The following ADAM23 variants were observed in gnomAD, a reference collection of about 807,000 sequenced individuals.
ADAM23 encodes the protein ADAM metallopeptidase domain 23.
Under a neutral mutation model 120.1 loss-of-function variants are expected in ADAM23, and 33 were observed. The ratio of observed to expected loss-of-function variants is 0.27; its 90% CI spans 0.21 to 0.37. The LOEUF is 0.37. ADAM23 is among the 10% of genes least tolerant of loss of function. The pLI, the probability that ADAM23 is intolerant of heterozygous loss-of-function variation, is 1.00. For missense variants in ADAM23, 862 were observed against 1,058.2 expected (o/e 0.81, Z 2.57); for synonymous variants, 367 against 375.2 (o/e 0.98, Z 0.25).
chr2:206,459,149 A>T (rs1003183102), intron 2 of ADAM23, among the ~76,000 whole-genome samples: 5 of 152,314 alleles, frequency 3.3e-5, no homozygotes, highest in African/African-American at 1.2e-4. Flanking sequence ...ATGGAGTTTC[A>T]TCTCTGCAGA....
chr2:206,567,363 C>G (rs376453291), intron 15 of ADAM23, 41 bp downstream of exon 15: 85 of 1,546,664 alleles, frequency 5.5e-5, no homozygotes, highest in Non-Finnish European at 7.4e-5. Context: ...TATATTATTT[C>G]TCCAGTGTTT....
chr2:206,610,110 C>A, intron 25 of ADAM23, 110 bp downstream of exon 25: 1 of 944,422 alleles, frequency 1.1e-6, no homozygotes, highest in East Asian at 3.2e-5. Context: ...GTCAGTCAAA[C>A]TGCAAAAAAT....
Position 206,560,040 on chromosome 2 carries a change from A to G in ADAM23, c.1091A>G (p.Asn364Ser). 2.5e-6 allele frequency: 4 copies of G among 1,613,936 alleles called. No homozygotes were observed. Among genetic ancestry groups the G allele is most frequent in the Non-Finnish European group, 2.5e-6 (3 of 1,179,974 alleles). Residue 364 changes from asparagine to serine, a missense_variant, in exon 11 of 26, where the codon AAC (asparagine) becomes AGC (serine). Physicochemically the swap from Asn to Ser is conservative, Grantham distance 46. This residue lies in a region of ADAM23 where 617 missense variants were observed against 813.5 expected (regional missense o/e 0.76). Transcript: ENST00000264377. ...AAGGATCAGATTGACATCACCACCA[A>G]CCCTGTGCAGATGCTCCATGAGTTC... ...TEKDQIDITT[N>S]PVQMLHEFSK...
At chr2:206,485,920 T>A (rs1312537140) in intron 3 of ADAM23, among the ~76,000 whole-genome samples, 1 of 152,180 alleles carries the variant, frequency 6.6e-6, no homozygotes, top group East Asian at 1.9e-4. Context: ...CACAACACGT[T>A]GCTGGAAGGC....
At chr2:206,578,597 C>T (rs559882219) in intron 18 of ADAM23, among the ~76,000 whole-genome samples, 92 of 152,126 alleles carry the variant, frequency 6.0e-4, no homozygotes, top group Non-Finnish European at 9.6e-4. Flanking sequence ...TACACACACA[C>T]TACAGTTTCT....
At chr2:206,528,082 G>A (rs377241810) in intron 3 of ADAM23, among the ~76,000 whole-genome samples, 10 of 152,144 alleles carry the variant, frequency 6.6e-5, no homozygotes, top group East Asian at 3.8e-4. Context: ...TTAAGATAAC[G>A]TTGTTTCCAA....
At chr2:206,527,036 C>T (rs1696960525) in intron 3 of ADAM23, among the ~76,000 whole-genome samples, 1 of 152,162 alleles carries the variant, frequency 6.6e-6, no homozygotes, top group Non-Finnish European at 1.5e-5. Flanking sequence ...AAGGTCACTC[C>T]TCTTTCAACA....
chr2:206,514,574 G>A (rs150155695), intron 3 of ADAM23, among the ~76,000 whole-genome samples: 2 of 152,192 alleles, frequency 1.3e-5, no homozygotes, highest in South Asian at 2.1e-4. Context: ...TGAAATGACA[G>A]CAAAGGATTT....
At chr2:206,562,332 T>C in intron 13 of ADAM23, 39 bp downstream of exon 13, 1 of 1,505,034 alleles carries the variant, frequency 6.6e-7, no homozygotes, top group Non-Finnish European at 9.2e-7. Context: ...TCATGTGCCA[T>C]TCTGTCTGTA....
intron 2 of ADAM23, among the ~76,000 whole-genome samples, chr2:206,470,595 G>A (rs1695636893): frequency 6.6e-6 from 1 of 152,218 alleles, no homozygotes. Flanking sequence ...AAACAGGACA[G>A]TTGTGGGCCT....
chr2:206,530,624 A>G (rs1697035813), intron 3 of ADAM23, among the ~76,000 whole-genome samples: 1 of 148,092 alleles, frequency 6.8e-6, no homozygotes, highest in African/African-American at 2.5e-5. Flanking sequence ...TCAAAAAGAA[A>G]AAAAAAAAAA....
chr2:206,543,020 G>T (rs1697323891), intron 5 of ADAM23, among the ~76,000 whole-genome samples: 1 of 152,156 alleles, frequency 6.6e-6, no homozygotes, highest in African/African-American at 2.4e-5. Context: ...GGTATAATTT[G>T]CATGCATTTG....
At chr2:206,535,566 A>G (rs577824187) in intron 4 of ADAM23, among the ~76,000 whole-genome samples, 50 of 152,362 alleles carry the variant, frequency 3.3e-4, no homozygotes, top group African/African-American at 8.4e-4. Flanking sequence ...ATGTCCTTCA[A>G]TTGTTGAAGG....
chr2:206,467,431 A>C (rs1187253759), intron 2 of ADAM23, among the ~76,000 whole-genome samples: 3 of 152,264 alleles, frequency 2.0e-5, no homozygotes, highest in Non-Finnish European at 4.4e-5. Context: ...GCAAGTCTGA[A>C]ACCCACCTGA....
At chr2:206,536,346 G>C (rs1372758546) in intron 4 of ADAM23, among the ~76,000 whole-genome samples, 2 of 151,680 alleles carry the variant, frequency 1.3e-5, no homozygotes, top group African/African-American at 4.8e-5. Flanking sequence ...AGCAATTGCG[G>C]TGTTCGCCAT....
At chr2:206,612,639 G>A (rs1698847502) in intron 25 of ADAM23, among the ~76,000 whole-genome samples, 1 of 152,174 alleles carries the variant, frequency 6.6e-6, no homozygotes, top group African/African-American at 2.4e-5. Context: ...GAGTAGTTTA[G>A]ATGTAGAAGT....
Position 206,618,028 on chromosome 2 carries a change from T to A in ADAM23, c.*401T>A, listed in dbSNP as rs928681309. On this transcript the variant is annotated 3_prime_UTR_variant, in exon 26 of 26. Transcript: ENST00000264377. ...ATCTTCTAAATGATTTGGCATGATT[T>A]TTTTTTCTTTACTACCGATGACAAA... is the stretch of plus-strand genomic sequence containing the variant. The A allele has an allele frequency of 1.2e-5, 2 of 163,158 alleles. No homozygotes were observed. The highest frequency in any genetic ancestry group is 4.8e-5 in the African/African-American group (2 of 41,736). 10.1% of individuals were successfully genotyped at this position (163,158 alleles called of 1,614,324 possible).
At chr2:206,463,793 C>T (rs1235139067) in intron 2 of ADAM23, among the ~76,000 whole-genome samples, 1 of 152,198 alleles carries the variant, frequency 6.6e-6, no homozygotes, top group Non-Finnish European at 1.5e-5. Context: ...TATGTAGAGA[C>T]CTCGGGGTTT....
chr2:206,522,805 T>C (rs1696870078), intron 3 of ADAM23, among the ~76,000 whole-genome samples: 1 of 48,982 alleles, frequency 2.0e-5, no homozygotes, highest in Non-Finnish European at 5.0e-5. Flanking sequence ...TTGTGTTTAA[T>C]TTTTTTTTTT....
Sources: allele counts gnomAD v4.1 joint callset (sites outside exome capture counted in the v4.1 genomes callset), GRCh38; gene constraint gnomAD v4.1.1; regional missense constraint gnomAD v4.1.1; transcripts MANE v1.5; gene names NCBI Gene and HGNC (gene_info 2026-07-23, HGNC 2026-07-21).